MPPED2: variants seen among roughly 807,000 people sequenced by gnomAD.
The protein encoded by MPPED2 is metallophosphoesterase domain containing 2.
Under a neutral mutation model 33.0 loss-of-function variants are expected in MPPED2, and 5 were observed. The ratio of observed to expected loss-of-function variants is 0.15; its 90% confidence interval spans 0.08 to 0.32. The LOEUF (loss-of-function observed/expected upper bound fraction) is 0.32, where lower values mean the gene tolerates loss of function less well. Among genes scored for constraint, MPPED2 ranks in the 10% least tolerant of loss-of-function variants. The probability of loss-of-function intolerance (pLI) is 1.00; values close to 1 mark genes in which losing one functional copy is unlikely to be tolerated. For synonymous variants in MPPED2, 136 were observed against 141.9 expected, an observed-to-expected ratio of 0.96 and a Z score of 0.29; for missense variants, 275 against 372.1, an observed-to-expected ratio of 0.74 and a Z score of 2.15.
intron 3 of MPPED2, among the ~76,000 whole-genome samples, chr11:30,517,649 G>T (rs1953608274): frequency 6.6e-6 from 1 of 151,962 alleles, no homozygotes; most frequent in South Asian, 2.1e-4. Context: ...CTCTCTTTAG[G>T]CAATGGAACA....
chr11:30,519,997 A>G (rs1292684443), intron 3 of MPPED2, among the ~76,000 whole-genome samples: 1 of 152,210 alleles, frequency 6.6e-6, no homozygotes, highest in Non-Finnish European at 1.5e-5. Context: ...TGTATATTTT[A>G]TAGTTAGATG....
At chr11:30,490,923 A>T (rs928522034) in intron 4 of MPPED2, among the ~76,000 whole-genome samples, 4 of 152,200 alleles carry the variant, frequency 2.6e-5, no homozygotes, top group African/African-American at 9.7e-5. Flanking sequence ...TACTTTTGAG[A>T]AACCTGTGAA....
chr11:30,422,540 A>G (rs1948656176), intron 4 of MPPED2, among the ~76,000 whole-genome samples: 1 of 152,158 alleles, frequency 6.6e-6, no homozygotes. Context: ...TTCAACCTGA[A>G]ACATGAAACC....
At chr11:30,393,640 C>G (rs2133698563) in intron 6 of MPPED2, among the ~76,000 whole-genome samples, 1 of 152,212 alleles carries the variant, frequency 6.6e-6, no homozygotes, top group Admixed American at 6.5e-5. Flanking sequence ...ACAATGTGAA[C>G]ACATAGGTAG....
chr11:30,551,454 A>C (rs1387430611), intron 2 of MPPED2, among the ~76,000 whole-genome samples: 2 of 152,168 alleles, frequency 1.3e-5, no homozygotes, highest in Non-Finnish European at 2.9e-5. Context: ...ACACAAACTC[A>C]ATGCTAAGTT....
intron 3 of MPPED2, among the ~76,000 whole-genome samples, chr11:30,495,880 T>C (rs1311663508): frequency 1.3e-5 from 2 of 152,200 alleles, no homozygotes; most frequent in Non-Finnish European, 1.5e-5. Flanking sequence ...AGAAGGTCTG[T>C]ACCTAGTTTG....
chr11:30,538,053 A>T (rs1235919760), intron 2 of MPPED2, among the ~76,000 whole-genome samples: 1 of 152,162 alleles, frequency 6.6e-6, no homozygotes, highest in African/African-American at 2.4e-5. Context: ...TCTAAAAGTG[A>T]TAAGCAATAT....
intron 4 of MPPED2, among the ~76,000 whole-genome samples, chr11:30,421,387 C>A (rs1463277502): frequency 1.3e-5 from 2 of 151,462 alleles, no homozygotes; most frequent in African/African-American, 4.9e-5. Context: ...CAGAAGTTTC[C>A]AAGTTAAGGA....
chr11:30,578,005 G>A (rs1392813513), intron 2 of MPPED2, among the ~76,000 whole-genome samples: 3 of 152,154 alleles, frequency 2.0e-5, no homozygotes, highest in South Asian at 4.1e-4. Context: ...GATACAGATA[G>A]GTAGATAGGT....
At position 30,410,454 on chromosome 11, in the gene MPPED2, T is replaced by C; in HGVS notation, c.*1014A>G. 1 of 985,582 alleles carries C rather than the reference T, an allele frequency of 1.0e-6. No individual in the cohort carries two copies. The highest frequency in any genetic ancestry group is 1.7e-5 in the African/African-American group (1 of 57,302). 61.1% of individuals were successfully genotyped at this position (985,582 alleles called of 1,614,324 possible). ...GCAAAATGGGAGAGGGGAGAGGAAG[T>C]AAGAAGACAACTTGGGGTATTTAAA... On this transcript the variant is annotated 3_prime_UTR_variant, in exon 7 of 7. Coordinates refer to ENST00000358117, the MANE Select transcript of MPPED2 (RefSeq NM_001584.3).
Position 30,411,445 on chromosome 11 carries a change from A to C in MPPED2, c.*23T>G. 2 of 1,606,904 alleles carry C rather than the reference A, an allele frequency of 1.2e-6. No individual in the cohort carries two copies. Among genetic ancestry groups the C allele is most frequent in the South Asian group, 2.2e-5 (2 of 89,880 alleles). On this transcript the variant is annotated 3_prime_UTR_variant, in exon 7 of 7. Coordinates refer to ENST00000358117, the MANE Select transcript of MPPED2 (RefSeq NM_001584.3). ...TGGCAGTTTATAGACCTTCCCTCACATTCCAATAGGGCATTTAGAGCTTCA... is the reference window on the plus strand; with the variant it reads ...TGGCAGTTTATAGACCTTCCCTCACCTTCCAATAGGGCATTTAGAGCTTCA...
intron 6 of MPPED2, among the ~76,000 whole-genome samples, chr11:30,390,743 C>T (rs1266502433): frequency 6.6e-6 from 1 of 152,192 alleles, no homozygotes; most frequent in Admixed American, 6.5e-5. Context: ...GCCAGTTTTG[C>T]CTGGCAGCTG....
intron 2 of MPPED2, among the ~76,000 whole-genome samples, chr11:30,554,525 C>T (rs1955874940): frequency 6.6e-6 from 1 of 152,156 alleles, no homozygotes; most frequent in African/African-American, 2.4e-5. Flanking sequence ...GATAGAGTCT[C>T]ACTCTGTTAC....
chr11:30,569,229 C>G (rs541426715), intron 2 of MPPED2, among the ~76,000 whole-genome samples: 76 of 152,140 alleles, frequency 5.0e-4, no homozygotes, highest in Middle Eastern at 3.4e-3. Flanking sequence ...CAGACTCCCA[C>G]GGGATTATTA....
intron 2 of MPPED2, among the ~76,000 whole-genome samples, chr11:30,563,357 G>T (rs1956312422): frequency 6.6e-6 from 1 of 152,168 alleles, no homozygotes; most frequent in Non-Finnish European, 1.5e-5. Context: ...TCCCTCGTAT[G>T]CACAGTTTAC....
At chr11:30,447,553 G>A (rs1045448280) in intron 4 of MPPED2, among the ~76,000 whole-genome samples, 1 of 152,192 alleles carries the variant, frequency 6.6e-6, no homozygotes, top group Non-Finnish European at 1.5e-5. Context: ...GGGTGATAAA[G>A]TGTGGGGTGT....
intron 2 of MPPED2, among the ~76,000 whole-genome samples, chr11:30,563,101 T>C (rs1313736782): frequency 1.3e-5 from 2 of 152,102 alleles, no homozygotes; most frequent in African/African-American, 2.4e-5. Flanking sequence ...TTCTAATAAA[T>C]ACTTATTGAT....
chr11:30,545,221 C>T (rs2134571581), intron 2 of MPPED2, among the ~76,000 whole-genome samples: 1 of 152,174 alleles, frequency 6.6e-6, no homozygotes, highest in East Asian at 1.9e-4. Flanking sequence ...GGGTTGCTCC[C>T]TACAGGATGG....
intron 1 of MPPED2, among the ~76,000 whole-genome samples, 198 bp downstream of exon 1, chr11:30,585,844 C>T (rs1006143582): frequency 3.9e-5 from 6 of 152,206 alleles, no homozygotes; most frequent in African/African-American, 1.4e-4. Context: ...GGCGCCCGCT[C>T]GTGCGGATGT....
Sources: allele counts gnomAD v4.1 joint callset (sites outside exome capture counted in the v4.1 genomes callset), GRCh38; gene constraint gnomAD v4.1.1; transcripts MANE v1.5; gene names NCBI Gene and HGNC (gene_info 2026-07-23, HGNC 2026-07-21).